Variants in GLIS1 observed in about 807,000 individuals in gnomAD.
The protein encoded by GLIS1 is GLIS family zinc finger 1, also known as zinc finger protein GLIS1.
A neutral mutation model predicts 63.8 loss-of-function variants in GLIS1; 24 were observed. The ratio of observed to expected loss-of-function variants is 0.38; its 90% CI spans 0.27 to 0.53. The LOEUF is 0.53. Among genes scored for constraint, GLIS1 ranks in the 20% least tolerant of loss-of-function variants. The pLI is 0.85. For synonymous variants in GLIS1, 450 were observed against 482.5 expected (o/e 0.93, Z 0.88); for missense variants, 1,036 against 1,074.1 (o/e 0.96, Z 0.50).
intron 6 of GLIS1, 129 bp downstream of exon 6, chr1:53,524,648 C>T (rs541224): frequency 0.84 from 575,658 of 681,476 alleles, 248,424 homozygotes; most frequent in East Asian, 0.94. Flanking sequence ...AACGGACGAA[C>T]GGATGGACGA....
intron 2 of GLIS1, among the ~76,000 whole-genome samples, chr1:53,606,865 GC>G (rs1360550946): frequency 6.6e-6 from 1 of 152,210 alleles, no homozygotes; most frequent in Non-Finnish European, 1.5e-5. Context: ...CCCCTTTAAA[GC>G]TAAGCTAGAC....
chr1:53,633,250 C>A (rs375262979), intron 2 of GLIS1, among the ~76,000 whole-genome samples: 10 of 86,968 alleles, frequency 1.1e-4, no homozygotes, highest in African/African-American at 4.8e-4. Context: ...TGTGAAGGGG[C>A]GTGTGAATAT....
chr1:53,725,258 G>A (rs1000842989), intron 2 of GLIS1, among the ~76,000 whole-genome samples: 2 of 152,194 alleles, frequency 1.3e-5, no homozygotes, highest in Non-Finnish European at 2.9e-5. Context: ...TCAAGCCCAG[G>A]ATTTAACACT....
chr1:53,701,447 C>G (rs56107443), intron 2 of GLIS1, among the ~76,000 whole-genome samples: 2 of 152,226 alleles, frequency 1.3e-5, no homozygotes, highest in African/African-American at 2.4e-5. Flanking sequence ...GTCCAACGCC[C>G]TCCTCCGCTG....
intron 2 of GLIS1, among the ~76,000 whole-genome samples, chr1:53,703,689 TC>T (rs1197660658): frequency 7.5e-6 from 1 of 133,914 alleles, no homozygotes; most frequent in Non-Finnish European, 1.6e-5. Context: ...TCCAAATAGA[TC>T]AAGGCAATAG....
intron 2 of GLIS1, among the ~76,000 whole-genome samples, chr1:53,625,088 TG>T (rs1380669286): frequency 6.6e-6 from 1 of 152,210 alleles, no homozygotes; most frequent in African/African-American, 2.4e-5. Flanking sequence ...AGAAAACAAA[TG>T]CAAGTCCAGC....
chr1:53,684,996 G>A (rs750860105), intron 2 of GLIS1, among the ~76,000 whole-genome samples: 1 of 152,190 alleles, frequency 6.6e-6, no homozygotes, highest in Non-Finnish European at 1.5e-5. Context: ...GAGGCTGTGG[G>A]GACCCAGAGG....
At chr1:53,720,224 T>C (rs1057494691) in intron 2 of GLIS1, among the ~76,000 whole-genome samples, 13 of 152,328 alleles carry the variant, frequency 8.5e-5, no homozygotes, top group African/African-American at 2.9e-4. Context: ...ATTACAGCAC[T>C]ATTCCCAATA....
chr1:53,663,241 T>A (rs1181461506), intron 2 of GLIS1, among the ~76,000 whole-genome samples: 2 of 152,134 alleles, frequency 1.3e-5, no homozygotes, highest in Admixed American at 6.5e-5. Context: ...AGGGCTTGGA[T>A]CTTCTTGTTC....
At chr1:53,527,783 T>C (rs1644486187) in intron 5 of GLIS1, among the ~76,000 whole-genome samples, 1 of 151,950 alleles carries the variant, frequency 6.6e-6, no homozygotes, top group Non-Finnish European at 1.5e-5. Flanking sequence ...TGGATCCGAG[T>C]GGGGTGCTGG....
chr1:53,604,932 G>GTGTATATA (rs1301665234), intron 2 of GLIS1, among the ~76,000 whole-genome samples: 1 of 36,262 alleles, frequency 2.8e-5, no homozygotes, highest in African/African-American at 3.7e-5. Flanking sequence ...GTGTGTGTGT[G>GTGTATATA]TATATATATA....
At chr1:53,531,598 A>G (rs2100337598) in intron 4 of GLIS1, among the ~76,000 whole-genome samples, 1 of 152,312 alleles carries the variant, frequency 6.6e-6, no homozygotes, top group South Asian at 2.1e-4. Context: ...GCCAAGCTGC[A>G]GAGAGAACTC....
rs527595204 is a variant in GLIS1 at position 53,628,693 on chromosome 1, C to T, written c.260-28415G>A. Among the ~76,000 whole-genome samples the T allele has an allele frequency of 2.0e-5, 3 of 152,294 alleles. No homozygotes were observed. The South Asian group carries it at 6.2e-4, about 32-fold the overall frequency. On this transcript the variant is annotated intron_variant, in intron 2 of 10. Transcript: ENST00000628545. The stretch of plus-strand genomic sequence containing the variant: ...CCTCCACCGTCAAAGCCCCACCCCA[C>T]TCATCACCTAGCAGGTCTAAGCTCA...
intron 2 of GLIS1, among the ~76,000 whole-genome samples, chr1:53,615,257 G>A (rs1055946907): frequency 6.6e-6 from 1 of 152,190 alleles, no homozygotes; most frequent in African/African-American, 2.4e-5. Context: ...GGAAACAGGT[G>A]CATCCACATG....
At chr1:53,734,137 G>A (rs998082981) in intron 2 of GLIS1, 7 of 984,722 alleles carry the variant, frequency 7.1e-6, no homozygotes, top group East Asian at 1.1e-4. Context: ...TTATAACGGC[G>A]GGGTTCACAT....
chr1:53,733,200 C>T (rs1400496550), intron 2 of GLIS1, among the ~76,000 whole-genome samples: 9 of 152,128 alleles, frequency 5.9e-5, no homozygotes, highest in Non-Finnish European at 5.9e-5. Flanking sequence ...GGGATTTTAA[C>T]GCACTGTAAA....
At chr1:53,677,025 A>G (rs1274060811) in intron 2 of GLIS1, among the ~76,000 whole-genome samples, 1 of 152,156 alleles carries the variant, frequency 6.6e-6, no homozygotes, top group African/African-American at 2.4e-5. Context: ...CGTGACATAC[A>G]CGGAGCCCCT....
intron 2 of GLIS1, among the ~76,000 whole-genome samples, chr1:53,632,332 A>G (rs1209542367): frequency 1.5e-5 from 2 of 131,250 alleles, no homozygotes; most frequent in Non-Finnish European, 3.2e-5. Context: ...AGTGTGACAG[A>G]CTGGGGGTGT....
chr1:53,520,208 G>A (rs1030404319), intron 7 of GLIS1, among the ~76,000 whole-genome samples: 5 of 152,160 alleles, frequency 3.3e-5, no homozygotes, highest in South Asian at 2.1e-4. Flanking sequence ...AGGAGCTACC[G>A]TCATGAAGGG....
Sources: allele counts gnomAD v4.1 joint callset (sites outside exome capture counted in the v4.1 genomes callset), GRCh38; gene constraint gnomAD v4.1.1; transcripts MANE v1.5; gene names NCBI Gene and HGNC (gene_info 2026-07-23, HGNC 2026-07-21).